ZNF540: variants seen among roughly 807,000 people sequenced by gnomAD.
ZNF540 encodes the protein zinc finger protein 540, also known as CTD-3064H18.6.
ZNF540 carries 3 observed loss-of-function variants against 11.8 expected under a neutral mutation model. That is an observed-to-expected ratio of 0.25 (90% confidence interval 0.12 to 0.65). The LOEUF (loss-of-function observed/expected upper bound fraction) is 0.65, where lower values mean the gene tolerates loss of function less well. ZNF540 is among the 30% of genes least tolerant of loss of function. The probability of loss-of-function intolerance (pLI) is 0.83; values close to 1 mark genes in which losing one functional copy is unlikely to be tolerated. For synonymous variants in ZNF540, 247 were observed against 259.0 expected (o/e 0.95, Z 0.45); for missense variants, 709 against 793.1 (o/e 0.89, Z 1.27).
At chr19:37,585,103 T>G (rs2147200609) in intron 1 of ZNF540, 1 of 152,348 alleles carries the variant, frequency 6.6e-6, no homozygotes, top group Non-Finnish European at 1.5e-5. Flanking sequence ...AGGTACTGGA[T>G]GCCAGTCCAG....
At chr19:37,578,672 G>A (rs915083672) in intron 1 of ZNF540, among the ~76,000 whole-genome samples, 1 of 151,054 alleles carries the variant, frequency 6.6e-6, no homozygotes, top group Non-Finnish European at 1.5e-5. Flanking sequence ...CCAGCACAGC[G>A]ACCCTGTCCC....
At chr19:37,564,860 A>G in intron 1 of ZNF540, 1 of 1,614,004 alleles carries the variant, frequency 6.2e-7, no homozygotes, top group Non-Finnish European at 8.5e-7. Flanking sequence ...ACCTCTGTGA[A>G]TTCTCTGATG....
intron 1 of ZNF540, among the ~76,000 whole-genome samples, chr19:37,589,037 T>A (rs1402460398): frequency 1.3e-5 from 2 of 151,760 alleles, no homozygotes; most frequent in Non-Finnish European, 2.9e-5. Context: ...CCATCTCTAC[T>A]AAAAATACAA....
chr19:37,551,461 C>G (rs748947918), exon 1 of ZNF540: 1 of 152,422 alleles, frequency 6.6e-6, no homozygotes. Flanking sequence ...CGGCGCTGGG[C>G]TATGGCCCCC....
chr19:37,593,266 T>C (rs2043920434), upstream of ZNF540, among the ~76,000 whole-genome samples: 1 of 152,170 alleles, frequency 6.6e-6, no homozygotes, highest in African/African-American at 2.4e-5. Flanking sequence ...TACAAAGGTA[T>C]TTACAAATGT....
intron 4 of ZNF540, among the ~76,000 whole-genome samples, chr19:37,602,745 G>A (rs2044049544): frequency 6.6e-6 from 1 of 152,152 alleles, no homozygotes; most frequent in Non-Finnish European, 1.5e-5. Flanking sequence ...AAGTGGAAGG[G>A]AGTAGTCATC....
At chr19:37,604,953 T>C (rs182621902) in intron 4 of ZNF540, among the ~76,000 whole-genome samples, 3 of 152,378 alleles carry the variant, frequency 2.0e-5, no homozygotes, top group East Asian at 1.9e-4. Context: ...TCCAAGTAGT[T>C]AGAAGTCTCA....
At chr19:37,562,123 C>T (rs1294053166) in intron 1 of ZNF540, among the ~76,000 whole-genome samples, 1 of 152,182 alleles carries the variant, frequency 6.6e-6, no homozygotes, top group Non-Finnish European at 1.5e-5. Flanking sequence ...TGGCTCATGC[C>T]TATAATCCCA....
chr19:37,594,240 G>A (rs2043950076), upstream of ZNF540: 1 of 152,302 alleles, frequency 6.6e-6, no homozygotes, highest in African/African-American at 2.4e-5. Context: ...AACTGCAGCA[G>A]CTGTAACCGC....
At position 37,567,607 on chromosome 19, in the gene ZNF540, TCC is replaced by T. The variant is rs1208200882; in HGVS notation, c.-73+15944_-73+15945del. 4 of 152,316 alleles carry T rather than the reference TCC, an allele frequency of 2.6e-5. No individual in the cohort carries two copies. In the East Asian group the frequency reaches 7.7e-4, roughly 29 times the overall value. 9.4% of individuals were successfully genotyped at this position (152,316 alleles called of 1,614,324 possible). On this transcript the variant is annotated intron_variant, in intron 1 of 4. Transcript: ENST00000592533. ...AGTTCCAAGAACATGTCAAATTCTT[TCC>T]CATTTTAGATTTTCCATATGCTGTT...
chr19:37,566,302 AAAAG>A, intron 1 of ZNF540: 1 of 1,571,216 alleles, frequency 6.4e-7, no homozygotes, highest in Non-Finnish European at 8.6e-7. Flanking sequence ...CTGTAGAATA[AAAAG>A]AAAGCAAATT....
chr19:37,555,837 T>C (rs2042652978), intron 1 of ZNF540: 1 of 695,326 alleles, frequency 1.4e-6, no homozygotes, highest in African/African-American at 1.8e-5. Flanking sequence ...ACAGTTATAG[T>C]AAGAGGATTA....
intron 1 of ZNF540, chr19:37,563,252 G>A (rs1007843792): frequency 6.6e-6 from 1 of 151,894 alleles, no homozygotes; most frequent in South Asian, 2.1e-4. Flanking sequence ...GATAGCTTGA[G>A]CCTAGGAGGT....
intron 1 of ZNF540, among the ~76,000 whole-genome samples, chr19:37,551,961 G>T (rs887534119): frequency 6.6e-6 from 1 of 151,934 alleles, no homozygotes; most frequent in Non-Finnish European, 1.5e-5. Context: ...TCGCTTTCTT[G>T]GGGGTCATTG....
intron 1 of ZNF540, among the ~76,000 whole-genome samples, chr19:37,577,376 C>T (rs2043278963): frequency 6.6e-6 from 1 of 152,076 alleles, no homozygotes; most frequent in Non-Finnish European, 1.5e-5. Context: ...CCAAACCTAG[C>T]CCCAAATCAA....
intron 1 of ZNF540, chr19:37,575,376 CAT>C (rs1395957004): frequency 1.3e-5 from 2 of 152,192 alleles, no homozygotes; most frequent in South Asian, 2.1e-4. Flanking sequence ...GGCATACCCA[CAT>C]ATGTCAGATT....
chr19:37,580,036 G>A (rs375002877), intron 1 of ZNF540, among the ~76,000 whole-genome samples: 7 of 152,074 alleles, frequency 4.6e-5, no homozygotes, highest in African/African-American at 9.7e-5. Flanking sequence ...AAGCTTTATC[G>A]TATGAGGCTA....
chr19:37,554,858 G>C (rs1332872836), intron 1 of ZNF540: 1 of 152,130 alleles, frequency 6.6e-6, no homozygotes, highest in Non-Finnish European at 1.5e-5. Context: ...CCGAAGAAGG[G>C]GCTAGATTTT....
chr19:37,575,332 C>T (rs1483080130), intron 1 of ZNF540, among the ~76,000 whole-genome samples: 3 of 152,168 alleles, frequency 2.0e-5, no homozygotes, highest in African/African-American at 4.8e-5. Flanking sequence ...TAAGCATATA[C>T]ATGAAATTAC....
Sources: gnomAD v4.1 joint callset for allele counts (sites outside exome capture counted in the v4.1 genomes callset) on GRCh38, gnomAD v4.1.1 for gene constraint, MANE v1.5 for transcripts, NCBI Gene and HGNC (gene_info 2026-07-23, HGNC 2026-07-21) for gene names.